ADGRG6: variants seen among roughly 807,000 people sequenced by gnomAD.
ADGRG6 encodes the protein G-protein coupled receptor 126.
A neutral mutation model predicts 142.4 loss-of-function variants in ADGRG6; 84 were observed. That is an observed-to-expected ratio of 0.59 (90% CI 0.49 to 0.71). The LOEUF (loss-of-function observed/expected upper bound fraction) is 0.71, where lower values mean the gene tolerates loss of function less well. Ranked by LOEUF, ADGRG6 falls within the 30% of genes least tolerant of loss-of-function variation. The pLI, the probability that ADGRG6 is intolerant of heterozygous loss-of-function variation, is 0.00. For synonymous variants in ADGRG6, 521 were observed against 520.5 expected (o/e 1.00, Z -0.01); for missense variants, 1,367 against 1,466.6 (o/e 0.93, Z 1.11).
chr6:142,342,317 C>T (rs559560820), intron 2 of ADGRG6, among the ~76,000 whole-genome samples: 1 of 152,108 alleles, frequency 6.6e-6, no homozygotes, highest in Non-Finnish European at 1.5e-5. Flanking sequence ...TGCATTTCCA[C>T]AATGCTTTCT....
chr6:142,426,139 C>G (rs887854382), intron 22 of ADGRG6, among the ~76,000 whole-genome samples: 1 of 152,138 alleles, frequency 6.6e-6, no homozygotes, highest in Non-Finnish European at 1.5e-5. Context: ...CCCAACAGTC[C>G]CCCAAAGTCT....
chr6:142,437,905 A>AC (rs1366275238), intron 23 of ADGRG6: 14 of 257,868 alleles, frequency 5.4e-5, no homozygotes, highest in African/African-American at 2.9e-4. Flanking sequence ...AAAAAAAAAA[A>AC]AAAACTGAAA....
At chr6:142,408,837 A>AT (rs1775943681) in intron 16 of ADGRG6, among the ~76,000 whole-genome samples, 1 of 152,218 alleles carries the variant, frequency 6.6e-6, no homozygotes, top group Admixed American at 6.5e-5. Flanking sequence ...AAGGGCCCTC[A>AT]TCATGATTCT....
At chr6:142,373,821 G>A (rs1016582047) in intron 4 of ADGRG6, among the ~76,000 whole-genome samples, 3 of 151,746 alleles carry the variant, frequency 2.0e-5, no homozygotes, top group African/African-American at 7.3e-5. Flanking sequence ...TGGGATTACA[G>A]GCATGAGGGA....
At chr6:142,318,242 TTATA>T (rs1468442786) in intron 2 of ADGRG6, among the ~76,000 whole-genome samples, 3 of 51,520 alleles carry the variant, frequency 5.8e-5, no homozygotes, top group African/African-American at 9.0e-5. Flanking sequence ...TTATATATAT[TTATA>T]TATTATATAT....
At chr6:142,351,005 G>A (rs1239588092) in intron 2 of ADGRG6, among the ~76,000 whole-genome samples, 2 of 152,160 alleles carry the variant, frequency 1.3e-5, no homozygotes, top group African/African-American at 4.8e-5. Flanking sequence ...GGAGGCCAAG[G>A]CGGGTGGATC....
At chr6:142,402,153 G>A in intron 12 of ADGRG6, 95 bp downstream of exon 12, 1 of 626,742 alleles carries the variant, frequency 1.6e-6, no homozygotes, top group Non-Finnish European at 2.8e-6. Context: ...CTTCTGCTCT[G>A]TGATACTGTT....
chr6:142,432,120 CAGT>C (rs1199333767), intron 22 of ADGRG6, among the ~76,000 whole-genome samples: 4 of 152,058 alleles, frequency 2.6e-5, no homozygotes, highest in Non-Finnish European at 5.9e-5. Context: ...TGTTTTCTCA[CAGT>C]AGCCTCCAGG....
chr6:142,365,663 T>C (rs1419963569), intron 2 of ADGRG6, among the ~76,000 whole-genome samples: 5 of 152,166 alleles, frequency 3.3e-5, no homozygotes, highest in South Asian at 2.1e-4. Flanking sequence ...GTCTTCGGTC[T>C]TGTACAAGAT....
intron 22 of ADGRG6, among the ~76,000 whole-genome samples, chr6:142,426,086 TC>T (rs1776927260): frequency 6.6e-6 from 1 of 152,050 alleles, no homozygotes; most frequent in Non-Finnish European, 1.5e-5. Context: ...CCCTGGCCCC[TC>T]CCAGATCTCA....
intron 2 of ADGRG6, among the ~76,000 whole-genome samples, chr6:142,325,571 G>A (rs1010147916): frequency 1.3e-5 from 2 of 151,952 alleles, no homozygotes; most frequent in African/African-American, 2.4e-5. Context: ...TGTATGTTTT[G>A]GATTTTTGAC....
chr6:142,310,120 GTTTAA>G (rs1317389241), intron 2 of ADGRG6, among the ~76,000 whole-genome samples: 1 of 151,796 alleles, frequency 6.6e-6, no homozygotes, highest in Non-Finnish European at 1.5e-5. Context: ...AGACTATGCA[GTTTAA>G]TTTACTTGAT....
intron 2 of ADGRG6, among the ~76,000 whole-genome samples, chr6:142,317,873 A>T (rs1318542748): frequency 1.3e-5 from 1 of 76,960 alleles, no homozygotes; most frequent in Non-Finnish European, 2.2e-5. Context: ...ATATTTTTAT[A>T]TATTATATAT....
intron 7 of ADGRG6, among the ~76,000 whole-genome samples, chr6:142,390,875 T>C (rs1774858967): frequency 6.6e-6 from 1 of 151,768 alleles, no homozygotes; most frequent in Non-Finnish European, 1.5e-5. Context: ...TTATTTTCCT[T>C]CTTTTTTACA....
rs1377672054 is a variant in ADGRG6, at chr6:142,370,360, G to T, written c.636G>T (p.Leu212Phe). Reference sequence around the variant, plus strand: ...ACTCAAATGCATCCTTCACACAATTGCTCAGTTTTGGAAAGGCCAAGAGTG... The same window carrying T: ...ACTCAAATGCATCCTTCACACAATTTCTCAGTTTTGGAAAGGCCAAGAGTG... ...FSYSNASFTQ[L>F]LSFGKAKSGY... The change falls in exon 4 of 25, where the codon TTG becomes TTT. Residue 212 changes from leucine to phenylalanine, a missense_variant. Transcript: ENST00000367609. 1.2e-6 allele frequency: 2 copies of T among 1,613,302 alleles called. No homozygotes were observed. The highest frequency in any genetic ancestry group is 1.3e-5 in the African/African-American group (1 of 74,876).
chr6:142,395,401 C>T (rs1321652908), intron 9 of ADGRG6, among the ~76,000 whole-genome samples: 1 of 152,130 alleles, frequency 6.6e-6, no homozygotes, highest in African/African-American at 2.4e-5. Flanking sequence ...GCAACTGGGA[C>T]AGCCCTGGGT....
chr6:142,390,100 T>A (rs1319941658), intron 6 of ADGRG6, among the ~76,000 whole-genome samples, 158 bp from the exon 7 acceptor site: 1 of 151,872 alleles, frequency 6.6e-6, no homozygotes, highest in African/African-American at 2.4e-5. Flanking sequence ...TTTTTGCCTA[T>A]GTAGAAGGTG....
intron 2 of ADGRG6, among the ~76,000 whole-genome samples, chr6:142,337,846 A>G (rs947660390): frequency 6.6e-6 from 1 of 151,598 alleles, no homozygotes; most frequent in African/African-American, 2.4e-5. Context: ...ACTGATCTTG[A>G]TAGGGAAGAG....
At position 142,336,010 on chromosome 6, in the gene ADGRG6, G is replaced by T. The variant is rs528815143; in HGVS notation, c.103+26366G>T. Among the ~76,000 whole-genome samples, 227 of 152,176 alleles carry T rather than the reference G, an allele frequency of 1.5e-3. 2 individuals are homozygous for T. Among genetic ancestry groups the T allele is most frequent in the African/African-American group, 5.3e-3 (219 of 41,510 alleles). ...GGTGGCCATATAATTTTGTAAATGT[G>T]AAAGAACAAACAGTAAAATTACATT... On this transcript the variant is annotated intron_variant, in intron 2 of 24. Coordinates refer to ENST00000367609, the MANE Select transcript of ADGRG6 (RefSeq NM_198569.3).
Sources: allele counts gnomAD v4.1 joint callset (sites outside exome capture counted in the v4.1 genomes callset), GRCh38; gene constraint gnomAD v4.1.1; transcripts MANE v1.5; gene names NCBI Gene and HGNC (gene_info 2026-07-23, HGNC 2026-07-21).